ZNF385D: variants seen among roughly 807,000 people sequenced by gnomAD.
The protein encoded by ZNF385D is zinc finger protein 659.
In ZNF385D, 15 loss-of-function variants were observed where a neutral mutation model predicts 35.8. The ratio of observed to expected loss-of-function variants is 0.42; its 90% CI spans 0.28 to 0.64. ZNF385D has a LOEUF of 0.64. ZNF385D is among the 30% of genes least tolerant of loss of function. The pLI is 0.23. For missense variants in ZNF385D, 474 were observed against 494.6 expected (o/e 0.96, Z 0.39); for synonymous variants, 212 against 186.8 (o/e 1.13, Z -1.10).
At chr3:21,903,101 T>C (rs777084205) in intron 3 of ZNF385D, among the ~76,000 whole-genome samples, 9 of 152,136 alleles carry the variant, frequency 5.9e-5, no homozygotes, top group Non-Finnish European at 8.8e-5. Context: ...ATAAAATGAT[T>C]GCACCTGTTG....
chr3:22,165,856 A>G (rs1706281137), intron 3 of ZNF385D, among the ~76,000 whole-genome samples: 1 of 152,194 alleles, frequency 6.6e-6, no homozygotes, highest in Non-Finnish European at 1.5e-5. Flanking sequence ...ATTAAGGATT[A>G]CTACAGAATT....
At position 21,535,401 on chromosome 3, in the gene ZNF385D, G is replaced by A. The variant is rs190401691; in HGVS notation, c.277-24378C>T. Among the ~76,000 whole-genome samples, 241 of 148,990 alleles carry A rather than the reference G, an allele frequency of 1.6e-3. 1 individual carries two copies. Among genetic ancestry groups the A allele is most frequent in the Non-Finnish European group, 1.7e-3 (115 of 67,546 alleles). ...GAAAATACTCAGTCCTGGTTATTAG[G>A]AAGTTGCTTACTGAAGAAACTGGGT... On this transcript the variant is annotated intron_variant, in intron 3 of 7. Coordinates refer to ENST00000281523, the MANE Select transcript of ZNF385D (RefSeq NM_024697.3).
intron 3 of ZNF385D, among the ~76,000 whole-genome samples, chr3:22,083,947 A>G (rs1285909409): frequency 6.6e-6 from 1 of 152,216 alleles, no homozygotes; most frequent in Non-Finnish European, 1.5e-5. Context: ...TAAAGAAAAG[A>G]ATTTTCAACC....
At chr3:21,815,435 A>G (rs1378641541) in intron 3 of ZNF385D, among the ~76,000 whole-genome samples, 5 of 152,236 alleles carry the variant, frequency 3.3e-5, no homozygotes, top group Non-Finnish European at 7.3e-5. Context: ...ATAGACCACT[A>G]GCAAGACTAA....
intron 2 of ZNF385D, among the ~76,000 whole-genome samples, chr3:22,296,587 G>A (rs1182147187): frequency 6.6e-6 from 1 of 152,128 alleles, no homozygotes; most frequent in African/African-American, 2.4e-5. Context: ...ATTGTACAAA[G>A]AGAACTTTTG....
intron 3 of ZNF385D, among the ~76,000 whole-genome samples, chr3:21,757,588 T>A (rs1386061792): frequency 6.6e-6 from 1 of 152,144 alleles, no homozygotes; most frequent in Non-Finnish European, 1.5e-5. Context: ...TCAAAAAAAA[T>A]AGTTGTTGAG....
intron 2 of ZNF385D, among the ~76,000 whole-genome samples, chr3:22,357,531 C>T (rs927269024): frequency 2.6e-5 from 4 of 151,786 alleles, no homozygotes; most frequent in African/African-American, 7.2e-5. Context: ...ATTTACATTT[C>T]TACTGTAGCA....
At chr3:21,864,015 A>G (rs145247791) in intron 3 of ZNF385D, among the ~76,000 whole-genome samples, 1 of 152,302 alleles carries the variant, frequency 6.6e-6, no homozygotes, top group African/African-American at 2.4e-5. Flanking sequence ...TTCATGGATT[A>G]TACGTTGTGT....
chr3:21,668,087 T>G (rs1275348489), intron 1 of ZNF385D, among the ~76,000 whole-genome samples: 1 of 152,168 alleles, frequency 6.6e-6, no homozygotes, highest in Non-Finnish European at 1.5e-5. Flanking sequence ...AATACAGGTG[T>G]AGGGATGCTG....
intron 4 of ZNF385D, among the ~76,000 whole-genome samples, chr3:21,493,209 T>C (rs951643537): frequency 1.3e-5 from 2 of 152,098 alleles, no homozygotes; most frequent in Non-Finnish European, 2.9e-5. Context: ...AGATGCTAAG[T>C]CACCAACATA....
At chr3:22,207,327 A>G (rs1697222856) in intron 2 of ZNF385D, among the ~76,000 whole-genome samples, 2 of 151,976 alleles carry the variant, frequency 1.3e-5, no homozygotes, top group African/African-American at 2.4e-5. Context: ...TGTCAAGAGC[A>G]TATTACACTG....
At chr3:22,197,422 C>A (rs1178758965) in intron 2 of ZNF385D, among the ~76,000 whole-genome samples, 1 of 152,054 alleles carries the variant, frequency 6.6e-6, no homozygotes, top group Non-Finnish European at 1.5e-5. Flanking sequence ...GAGTTGTTTA[C>A]AGCTCATGAA....
chr3:22,323,014 C>T (rs981766349), intron 2 of ZNF385D, among the ~76,000 whole-genome samples: 2 of 152,098 alleles, frequency 1.3e-5, no homozygotes, highest in Non-Finnish European at 2.9e-5. Flanking sequence ...GGTAACCGTA[C>T]TCCTGAAAAC....
At chr3:22,030,304 C>CATATATATATAT (rs1553591410) in intron 3 of ZNF385D, among the ~76,000 whole-genome samples, 2 of 36,038 alleles carry the variant, frequency 5.5e-5, no homozygotes, top group Non-Finnish European at 1.0e-4. Flanking sequence ...TATATATATC[C>CATATATATATAT]TATTTGGTCC....
chr3:22,280,671 T>G (rs950544385), intron 2 of ZNF385D, among the ~76,000 whole-genome samples: 1 of 152,008 alleles, frequency 6.6e-6, no homozygotes, highest in African/African-American at 2.4e-5. Flanking sequence ...GTGACTATAG[T>G]CTTATATAGT....
intron 3 of ZNF385D, among the ~76,000 whole-genome samples, chr3:21,949,996 G>T (rs1412344403): frequency 6.6e-6 from 1 of 152,020 alleles, no homozygotes; most frequent in African/African-American, 2.4e-5. Flanking sequence ...TTACTATTGT[G>T]AACAGTGCCA....
At chr3:21,447,438 A>G (rs1169655599) in intron 4 of ZNF385D, among the ~76,000 whole-genome samples, 1 of 152,248 alleles carries the variant, frequency 6.6e-6, no homozygotes, top group Non-Finnish European at 1.5e-5. Context: ...TGCATGCTGC[A>G]GTAACAGTTT....
chr3:22,082,844 G>A (rs776544613), intron 3 of ZNF385D, among the ~76,000 whole-genome samples: 5 of 152,146 alleles, frequency 3.3e-5, no homozygotes, highest in Admixed American at 6.5e-5. Flanking sequence ...CCTCTGAGAC[G>A]AAGCTTCCAG....
At chr3:21,669,465 T>C (rs2066497695) in intron 1 of ZNF385D, among the ~76,000 whole-genome samples, 3 of 152,156 alleles carry the variant, frequency 2.0e-5, no homozygotes, top group South Asian at 2.1e-4. Context: ...CTTGTGAATA[T>C]GAAAAAACAA....
Sources: allele counts gnomAD v4.1 joint callset (sites outside exome capture counted in the v4.1 genomes callset), GRCh38; gene constraint gnomAD v4.1.1; transcripts MANE v1.5; gene names NCBI Gene and HGNC (gene_info 2026-07-23, HGNC 2026-07-21).